CRACDL: variants seen among roughly 807,000 people sequenced by gnomAD.
The protein encoded by CRACDL is CRACD-like protein.
Under a neutral mutation model 70.6 loss-of-function variants are expected in CRACDL, and 26 were observed. The observed-to-expected ratio is 0.37, with a 90% CI of 0.27 to 0.51. CRACDL has a LOEUF of 0.51. CRACDL is among the 20% of genes least tolerant of loss of function. The pLI is 0.94. For missense variants in CRACDL, 1,283 were observed against 1,376.9 expected, an observed-to-expected ratio of 0.93 and a Z score of 1.08; for synonymous variants, 618 against 615.2, an observed-to-expected ratio of 1.00 and a Z score of -0.07.
At chr2:98,847,596 C>G (rs1032668386) in intron 1 of CRACDL, among the ~76,000 whole-genome samples, 1 of 152,052 alleles carries the variant, frequency 6.6e-6, no homozygotes, top group African/African-American at 2.4e-5. Context: ...TAAAAAAATC[C>G]CTCACTCTTC....
chr2:98,868,743 G>A (rs1444350365), intron 1 of CRACDL, among the ~76,000 whole-genome samples: 1 of 152,162 alleles, frequency 6.6e-6, no homozygotes, highest in Admixed American at 6.5e-5. Flanking sequence ...ATGCCATGGA[G>A]ATCCCAAGTG....
At chr2:98,825,642 A>C (rs1219320697) in intron 6 of CRACDL, among the ~76,000 whole-genome samples, 3 of 152,232 alleles carry the variant, frequency 2.0e-5, no homozygotes, top group Non-Finnish European at 2.9e-5. Flanking sequence ...ATTCAGCACG[A>C]GTACAGGCAG....
At position 98,823,040 on chromosome 2, in the gene CRACDL, C is replaced by T. The variant is rs1705150664; in HGVS notation, c.1233G>A (p.Thr411=). ...CGGCGGGGTCAGTCTCGGGGGGAGT[C>T]GTGTCCCCCTCAGGGATGGCGGTGG... The part of the protein sequence containing the change: ...PFPTAIPEGD[T]TPPETDPAAT... The change falls in exon 7 of 10, where the codon ACG becomes ACA. Residue 411 remains threonine, a synonymous_variant. Transcript: ENST00000397899. This position sits in a 1 kb window ranked among gnomAD's most constrained non-coding sequence, Gnocchi z 4.0. 6.4e-7 allele frequency: 1 copy of T among 1,552,162 alleles called. No individual in the cohort carries two copies. The highest frequency in any genetic ancestry group is 8.7e-7 in the Non-Finnish European group (1 of 1,151,742).
rs140725354 is a variant in CRACDL, at chr2:98,835,628, A to G, written c.239+2491T>C. On this transcript the variant is annotated intron_variant, in intron 3 of 9. Transcript: ENST00000397899. ...ATTTGGAAAAAAAAAGAAAAAAACA[A>G]AACCCACTGGCCACTGTCAGGAGTT... 4.4e-3 allele frequency among the ~76,000 whole-genome samples: 669 copies of G among 152,292 alleles called. 8 individuals carry two copies. Among genetic ancestry groups the G allele is most frequent in the African/African-American group, 0.015 (636 of 41,552 alleles).
intron 1 of CRACDL, among the ~76,000 whole-genome samples, chr2:98,929,287 G>A (rs1709011431): frequency 6.6e-6 from 1 of 152,236 alleles, no homozygotes; most frequent in Non-Finnish European, 1.5e-5. Flanking sequence ...ACAGAAGGGA[G>A]AGAACCCGAG....
At chr2:98,847,974 A>G (rs998778404) in intron 1 of CRACDL, among the ~76,000 whole-genome samples, 2 of 152,160 alleles carry the variant, frequency 1.3e-5, no homozygotes, top group African/African-American at 4.8e-5. Context: ...AAAGCTGAAC[A>G]AAGTTTCACC....
At chr2:98,832,286 A>G (rs925796312) in intron 5 of CRACDL, 62 bp downstream of exon 5, 1 of 1,580,232 alleles carries the variant, frequency 6.3e-7, no homozygotes, top group Non-Finnish European at 8.7e-7. Context: ...GGGATCTCAG[A>G]GCTCCAGCAC....
intron 5 of CRACDL, among the ~76,000 whole-genome samples, chr2:98,832,127 A>T (rs1055076717): frequency 3.0e-4 from 45 of 152,244 alleles, no homozygotes; most frequent in Non-Finnish European, 5.3e-4. Flanking sequence ...CACCCTCATT[A>T]AAAAAAGTCA....
chr2:98,872,295 T>A (rs1558616200), intron 1 of CRACDL, among the ~76,000 whole-genome samples: 1 of 151,966 alleles, frequency 6.6e-6, no homozygotes, highest in Non-Finnish European at 1.5e-5. Flanking sequence ...GAGGAGGAGG[T>A]TGCAGTGAGC....
At chr2:98,800,175 A>G (rs1263493698) in intron 7 of CRACDL, among the ~76,000 whole-genome samples, 1 of 152,212 alleles carries the variant, frequency 6.6e-6, no homozygotes, top group African/African-American at 2.4e-5. Context: ...CAAAAAGCTC[A>G]AAGTCTAGTT....
chr2:98,898,172 G>A (rs192679177), intron 1 of CRACDL, among the ~76,000 whole-genome samples: 51 of 152,336 alleles, frequency 3.3e-4, no homozygotes, highest in African/African-American at 1.2e-3. Flanking sequence ...ATCCTCTGTT[G>A]GTCCCTTGAC....
At chr2:98,809,750 A>G (rs1248363745) in intron 7 of CRACDL, 1 of 152,228 alleles carries the variant, frequency 6.6e-6, no homozygotes, top group Non-Finnish European at 1.5e-5. Context: ...GGACAAGGAG[A>G]ATCCCATTCT....
At chr2:98,819,230 A>T (rs1294229385) in intron 7 of CRACDL, among the ~76,000 whole-genome samples, 1 of 152,232 alleles carries the variant, frequency 6.6e-6, no homozygotes, top group East Asian at 1.9e-4. Flanking sequence ...ACATATAAAT[A>T]ATGGGCAAAG....
At chr2:98,847,647 A>G (rs1353502797) in intron 1 of CRACDL, among the ~76,000 whole-genome samples, 2 of 152,176 alleles carry the variant, frequency 1.3e-5, no homozygotes, top group African/African-American at 4.8e-5. Flanking sequence ...TATTCCTGCT[A>G]CAGAATACTG....
intron 1 of CRACDL, among the ~76,000 whole-genome samples, chr2:98,911,530 G>C (rs191825753): frequency 9.9e-4 from 151 of 152,290 alleles, no homozygotes; most frequent in Admixed American, 4.1e-3. Flanking sequence ...TCCAACACGC[G>C]TTGTCCAAAG....
intron 1 of CRACDL, among the ~76,000 whole-genome samples, chr2:98,927,233 G>A (rs894871035): frequency 6.6e-6 from 1 of 152,200 alleles, no homozygotes. Flanking sequence ...TCCCTGGTGC[G>A]GGTGGACGGT....
chr2:98,887,262 A>G (rs1707824464), intron 1 of CRACDL, among the ~76,000 whole-genome samples: 1 of 152,182 alleles, frequency 6.6e-6, no homozygotes, highest in Non-Finnish European at 1.5e-5. Context: ...CTGAGGCAGG[A>G]GAATTGCTGG....
intron 1 of CRACDL, among the ~76,000 whole-genome samples, chr2:98,913,817 A>C (rs1708601687): frequency 6.6e-6 from 1 of 152,218 alleles, no homozygotes; most frequent in South Asian, 2.1e-4. Context: ...ACAGGATGCA[A>C]TCAGCTAAGC....
chr2:98,899,033 A>T (rs1288101946), intron 1 of CRACDL, among the ~76,000 whole-genome samples: 2 of 152,124 alleles, frequency 1.3e-5, no homozygotes, highest in Non-Finnish European at 2.9e-5. Context: ...TAAAGTCAAG[A>T]CGCCAGCAAC....
Sources: allele counts gnomAD v4.1 joint callset (sites outside exome capture counted in the v4.1 genomes callset), GRCh38; gene constraint gnomAD v4.1.1; non-coding constraint Gnocchi (gnomAD v3.1); transcripts MANE v1.5; gene names NCBI Gene and HGNC (gene_info 2026-07-23, HGNC 2026-07-21).